Variants in ADPRHL1 observed in about 807,000 individuals in gnomAD.
ADPRHL1 encodes ADP-ribosylhydrolase like 1.
In ADPRHL1, 43 loss-of-function variants were observed where a neutral mutation model predicts 44.1. The ratio of observed to expected loss-of-function variants is 0.98; its 90% CI spans 0.76 to 1.26. ADPRHL1 has a LOEUF of 1.26. Among genes scored for constraint, ADPRHL1 ranks in the 50% most tolerant of loss-of-function variants. ADPRHL1 has a pLI of 0.00. For synonymous variants in ADPRHL1, 878 were observed against 1,017.4 expected (o/e 0.86, Z 2.61); for missense variants, 2,022 against 2,496.9 (o/e 0.81, Z 4.05).
chr13:113,422,630 T>TCTTTC, intron 7 of ADPRHL1, 196 bp downstream of exon 7: 2 of 731,364 alleles, frequency 2.7e-6, no homozygotes, highest in Non-Finnish European at 4.3e-6. Context: ...CGGAAAATAT[T>TCTTTC]CTCGCAGGAC....
intron 4 of ADPRHL1, among the ~76,000 whole-genome samples, 177 bp downstream of exon 4, chr13:113,428,774 TG>T (rs2043985274): frequency 6.6e-6 from 1 of 152,232 alleles, no homozygotes; most frequent in African/African-American, 2.4e-5. Context: ...AGAGGCAGAC[TG>T]GTCAGGAGCA....
At chr13:113,427,289 G>A (rs188060803) in intron 4 of ADPRHL1, among the ~76,000 whole-genome samples, 96 of 152,322 alleles carry the variant, frequency 6.3e-4, no homozygotes, top group African/African-American at 2.1e-3. Context: ...CAGTAATGGC[G>A]TGGCCCCATG....
chr13:113,437,821 T>G (rs371696488), intron 2 of ADPRHL1, among the ~76,000 whole-genome samples: 10 of 152,256 alleles, frequency 6.6e-5, no homozygotes, highest in African/African-American at 2.2e-4. Context: ...GATCACGTGG[T>G]GATGAATGTT....
At chr13:113,433,542 A>G (rs1035948073) in intron 3 of ADPRHL1, among the ~76,000 whole-genome samples, 200 bp downstream of exon 3, 1 of 152,226 alleles carries the variant, frequency 6.6e-6, no homozygotes. Flanking sequence ...CAAGATTTCC[A>G]GCCCAGTGTC....
intron 4 of ADPRHL1, 116 bp from the exon 5 acceptor site, chr13:113,425,295 C>T: frequency 9.7e-7 from 1 of 1,028,564 alleles, no homozygotes. Context: ...GTGGCAATGC[C>T]CCCTCTACCC....
Position 113,403,544 on chromosome 13 carries a change from T to G in ADPRHL1, c.5738A>C (p.Glu1913Ala). The G allele has an allele frequency of 8.1e-7, 1 of 1,231,916 alleles. No homozygotes were observed. Among genetic ancestry groups the G allele is most frequent in the Non-Finnish European group, 1.0e-6 (1 of 987,986 alleles). The allele number at this position is 1,231,916 out of a possible 1,614,324, so 76.3% of individuals were successfully genotyped here. A position where few individuals can be genotyped will look rare whatever the true frequency, so the allele number is the denominator to read the frequency against. The part of the protein sequence containing the change: ...QEGSPDHPGA[E>A]RALQDRMEAS... ...CTCCATCCTGTCCTGCAGGGCCCTC[T>G]CAGCCCCAGGGTGGTCTGGGGACCC... Residue 1913 changes from glutamate to alanine, a missense_variant, in exon 8 of 8, where the codon GAG (glutamate) becomes GCG (alanine). Physicochemically the swap from Glu to Ala is moderately radical, Grantham distance 107. Transcript: ENST00000612156.
At chr13:113,452,551 T>G (rs576937117) in intron 1 of ADPRHL1, among the ~76,000 whole-genome samples, 37 of 152,182 alleles carry the variant, frequency 2.4e-4, no homozygotes, top group Non-Finnish European at 1.3e-4. Flanking sequence ...CACCTGCCAT[T>G]TCCCTGAAAT....
chr13:113,450,909 G>C (rs1030045526), intron 1 of ADPRHL1, among the ~76,000 whole-genome samples: 1 of 151,934 alleles, frequency 6.6e-6, no homozygotes, highest in Admixed American at 6.5e-5. Flanking sequence ...CTCCACAAGA[G>C]GTGGAAGAGC....
Position 113,405,554 on chromosome 13 carries a change from C to T in ADPRHL1, c.3728G>A (p.Gly1243Glu), listed in dbSNP as rs2043801803. 2 of 1,232,268 alleles carry T rather than the reference C, an allele frequency of 1.6e-6. No homozygotes were observed. The highest frequency in any genetic ancestry group is 1.0e-6 in the Non-Finnish European group (1 of 988,352). The allele number at this position is 1,232,268 out of a possible 1,614,324, so 76.3% of individuals were successfully genotyped here. A position where few individuals can be genotyped will look rare whatever the true frequency, so the allele number is the denominator to read the frequency against. The change falls in exon 8 of 8, where the codon GGA becomes GAA. Residue 1243 changes from glycine (G) to glutamate (E), a missense_variant. Coordinates refer to ENST00000612156, the MANE Select transcript of ADPRHL1 (RefSeq NM_001394807.1). ...TTCCACAGCCACATCCTTTCTGCCT[C>T]CTACAGCTGCTGTATGTCTGCTGGC... ...SAASRHTAAVGGRKDVAVEGN... is the reference protein window; with the variant it reads ...SAASRHTAAVEGRKDVAVEGN...
intron 7 of ADPRHL1, among the ~76,000 whole-genome samples, chr13:113,413,712 G>C (rs889289947): frequency 2.6e-5 from 4 of 152,212 alleles, no homozygotes; most frequent in African/African-American, 9.6e-5. Flanking sequence ...CTGCGCTGGC[G>C]GAGTCTGGGC....
In ADPRHL1 at chr13:113,453,299, C is replaced by A. The variant is rs770009735; in HGVS notation, c.139G>T (p.Val47Leu). 6.2e-7 allele frequency: 1 copy of A among 1,614,176 alleles called. No homozygotes were observed. ...LQRSGGLDHL[V>L]LSPGEWPVSD... is the part of the protein sequence containing the mutation. ...ACGGGCCATTCTCCTGGCGAGAGTA[C>A]GAGGTGGTCCAGGCCCCCGGAACGT... The change falls in exon 1 of 8, where the codon GTA becomes TTA. Residue 47 changes from valine to leucine, a missense_variant. By Grantham distance (32) the Val-to-Leu change is conservative. Coordinates refer to ENST00000612156, the MANE Select transcript of ADPRHL1 (RefSeq NM_001394807.1). This position sits in a 1 kb window ranked among gnomAD's most constrained non-coding sequence, Gnocchi z 5.4.
At chr13:113,434,221 C>T (rs934652680) in intron 2 of ADPRHL1, among the ~76,000 whole-genome samples, 1 of 152,168 alleles carries the variant, frequency 6.6e-6, no homozygotes, top group Non-Finnish European at 1.5e-5. Context: ...GAAACATGCA[C>T]GACCCTAAGA....
chr13:113,419,010 CCCTTCCTT>C (rs1415519907), intron 7 of ADPRHL1, among the ~76,000 whole-genome samples: 3 of 148,872 alleles, frequency 2.0e-5, no homozygotes, highest in Admixed American at 6.7e-5. Context: ...CTTCCTCCCT[CCCTTCCTT>C]CCTTTCTTCC....
At position 113,433,867 on chromosome 13, in the gene ADPRHL1, C is replaced by T. The variant is rs761606676; in HGVS notation, c.380G>A (p.Gly127Asp). The T allele has an allele frequency of 6.3e-5, 97 of 1,545,162 alleles. 1 individual carries two copies. The Admixed American group carries it at 1.8e-3, about 29-fold the overall frequency. ...CTTGGTGGCCGCTCCAAACCCTGAG[C>T]CTGTGTGGAGAAGGAAGAGCTAGTT... Reference protein sequence around the residue: ...LAWHTPFNEKGSGFGAATKAM... With the variant: ...LAWHTPFNEKDSGFGAATKAM... Residue 127 changes from glycine (G) to aspartate (D), a missense_variant and splice_region_variant, in exon 3 of 8, where the codon GGC (glycine) becomes GAC (aspartate). Transcript: ENST00000612156.
intron 7 of ADPRHL1, among the ~76,000 whole-genome samples, chr13:113,419,037 T>C (rs2043901338): frequency 1.8e-4 from 8 of 44,358 alleles, no homozygotes; most frequent in South Asian, 1.4e-3. Flanking sequence ...CCCCTTCCCC[T>C]CCCCTTCCCT....
chr13:113,438,565 G>A lies in ADPRHL1; in HGVS notation c.380-4698C>T, dbSNP rs149096665. Among the ~76,000 whole-genome samples the A allele has an allele frequency of 6.1e-3, 931 of 152,212 alleles. 44 individuals are homozygous for A. In the East Asian group the frequency reaches 0.068, roughly 11 times the overall value. On this transcript the variant is annotated intron_variant, in intron 2 of 7. Coordinates refer to ENST00000612156, the MANE Select transcript of ADPRHL1 (RefSeq NM_001394807.1). ...CAAAAATTAAGTGGCATGGTGGCAC[G>A]CACCTGTAGTCCCAGCTACTCTGGA...
chr13:113,410,998 T>C (rs868757730), intron 7 of ADPRHL1, among the ~76,000 whole-genome samples: 1 of 152,210 alleles, frequency 6.6e-6, no homozygotes, highest in African/African-American at 2.4e-5. Context: ...ATTTCAGTTG[T>C]CTTAATGACT....
chr13:113,425,784 G>A (rs1401024717), intron 4 of ADPRHL1, among the ~76,000 whole-genome samples: 1 of 150,524 alleles, frequency 6.6e-6, no homozygotes, highest in African/African-American at 2.4e-5. Context: ...GGGTTCAAGC[G>A]ATTCTCCTGC....
chr13:113,433,860 C>T lies in ADPRHL1; in HGVS notation c.387G>A (p.Gly129=). The T allele has an allele frequency of 1.3e-6, 2 of 1,551,198 alleles. No homozygotes were observed. Among genetic ancestry groups the T allele is most frequent in the Non-Finnish European group, 1.7e-6 (2 of 1,144,648 alleles). Residue 129 remains glycine, a synonymous_variant, in exon 3 of 8, where the codon GGG becomes GGA. Transcript: ENST00000612156. ...ACATGGCCTTGGTGGCCGCTCCAAA[C>T]CCTGAGCCTGTGTGGAGAAGGAAGA... ...WHTPFNEKGS[G]FGAATKAMCI...
Sources: gnomAD v4.1 joint callset for allele counts (sites outside exome capture counted in the v4.1 genomes callset) on GRCh38, gnomAD v4.1.1 for gene constraint, Gnocchi (gnomAD v3.1) non-coding constraint, MANE v1.5 for transcripts, NCBI Gene and HGNC (gene_info 2026-07-23, HGNC 2026-07-21) for gene names.